The following KCP variants were observed in gnomAD, a reference collection of about 807,000 sequenced individuals.
KCP encodes the protein kielin cysteine rich BMP regulator.
KCP carries 194 observed loss-of-function variants against 212.7 expected under a neutral mutation model. That is an observed-to-expected ratio of 0.91 (90% CI 0.81 to 1.03). KCP has a LOEUF of 1.03. KCP is among the 50% of genes least tolerant of loss of function. The pLI is 0.00. For missense variants in KCP, 2,080 were observed against 2,162.5 expected, an observed-to-expected ratio of 0.96 and a Z score of 0.76; for synonymous variants, 833 against 865.3, an observed-to-expected ratio of 0.96 and a Z score of 0.65.
rs1236493824 is a variant in KCP, at chr7:128,879,723, C to T, written c.4039G>A (p.Val1347Ile). Residue 1347 changes from valine to isoleucine, a missense_variant, in exon 36 of 40, where the codon GTC (valine) becomes ATC (isoleucine). Val to Ile is a conservative substitution (Grantham distance 29). Coordinates refer to ENST00000610776, the MANE Select transcript of KCP (RefSeq NM_001366122.1). ...CACTCCTCGGCTTTGCTCACCGTGA[C>T]TGCCCCGTCCTGCAGCAGCCGCACG... The part of the protein sequence containing the change: ...MAVRLLQDGA[V>I]TVDGHPVALP... 3.2e-6 allele frequency: 5 copies of T among 1,550,198 alleles called. No homozygotes were observed. The highest frequency in any genetic ancestry group is 4.4e-6 in the Non-Finnish European group (5 of 1,146,974).
chr7:128,888,691 TACAA>T (rs777519770), intron 22 of KCP, among the ~76,000 whole-genome samples, 168 bp downstream of exon 22: 1 of 151,178 alleles, frequency 6.6e-6, no homozygotes, highest in Non-Finnish European at 1.5e-5. Flanking sequence ...CACACATACA[TACAA>T]ACACACAGCC....
At chr7:128,902,696 G>T in intron 8 of KCP, 81 bp downstream of exon 8, 1 of 1,287,688 alleles carries the variant, frequency 7.8e-7, no homozygotes, top group Non-Finnish European at 1.1e-6. Flanking sequence ...CCTCTGCGAA[G>T]TACTCCATAG....
chr7:128,908,128 CA>C (rs11323714), intron 2 of KCP, among the ~76,000 whole-genome samples: 27,530 of 75,762 alleles, frequency 0.36, 4,739 homozygotes, highest in East Asian at 0.6. Context: ...GACTCCATCT[CA>C]AAAAAAAAAA....
At chr7:128,890,870 G>T in intron 20 of KCP, 35 bp downstream of exon 20, 5 of 1,240,252 alleles carry the variant, frequency 4.0e-6, no homozygotes, top group South Asian at 3.7e-5. Context: ...GCGGCAGGAC[G>T]CGGGTGGCCG....
Position 128,880,056 on chromosome 7 carries a change from G to A in KCP, c.3789C>T (p.Ser1263=). ...PDKAPALSPG[S]CCPRCLPRPA... ...GCCGAGGCAGGCAGCGGGGGCAGCA[G>A]CTGCCAGGACTCAGGGCAGGGGCCT... Residue 1263 remains serine (S), a synonymous_variant, in exon 35 of 40, where the codon AGC becomes AGT. Transcript: ENST00000610776. 1.3e-6 allele frequency: 2 copies of A among 1,546,888 alleles called. No individual in the cohort carries two copies. The highest frequency in any genetic ancestry group is 8.7e-7 in the Non-Finnish European group (1 of 1,146,046).
chr7:128,890,273 A>C (rs770014281), intron 21 of KCP, 70 bp downstream of exon 21: 14 of 1,551,062 alleles, frequency 9.0e-6, no homozygotes, highest in South Asian at 4.8e-5. Context: ...AGGGCAGTAA[A>C]GATTATTCTG....
intron 4 of KCP, 97 bp downstream of exon 4, chr7:128,907,004 G>A (rs2128950742): frequency 1.7e-6 from 2 of 1,189,856 alleles, no homozygotes; most frequent in Non-Finnish European, 2.4e-6. Context: ...GGCAGGCAGA[G>A]CCCATTATGC....
At chr7:128,886,851 G>GC in intron 24 of KCP, 25 bp downstream of exon 24, 1 of 1,451,840 alleles carries the variant, frequency 6.9e-7, no homozygotes, top group Middle Eastern at 1.7e-4. Flanking sequence ...GGGCATGGGG[G>GC]CCGCGCATGA....
chr7:128,900,704 C>T (rs948987439), intron 8 of KCP, among the ~76,000 whole-genome samples: 3 of 152,210 alleles, frequency 2.0e-5, no homozygotes, highest in African/African-American at 4.8e-5. Flanking sequence ...GAATGGCCCT[C>T]GCCATGCCGA....
At chr7:128,902,504 G>A (rs996198078) in intron 8 of KCP, among the ~76,000 whole-genome samples, 5 of 152,096 alleles carry the variant, frequency 3.3e-5, no homozygotes, top group Non-Finnish European at 7.4e-5. Flanking sequence ...AGCTTTTGCC[G>A]CTCGCCATAT....
At chr7:128,880,934 T>C (rs1301259370) in intron 32 of KCP, 63 bp downstream of exon 32, 1 of 398,932 alleles carries the variant, frequency 2.5e-6, no homozygotes, top group African/African-American at 2.1e-5. Flanking sequence ...GGTGGAGTGT[T>C]GGACACTCCT....
Position 128,879,783 on chromosome 7 carries a change from T to C in KCP, c.3979A>G (p.Thr1327Ala), listed in dbSNP as rs1793207031. The C allele has an allele frequency of 6.4e-7, 1 of 1,550,654 alleles. No homozygotes were observed. The highest frequency in any genetic ancestry group is 2.0e-5 in the Admixed American group (1 of 50,980). ...CCCAGCAGCACCGCCACCTCCTGGG[T>C]CCAGGCCACACCGCTCCGGCCCCGG... ...DDRGRSGVAW[T>A]QEVAVLLGDM... The change falls in exon 36 of 40, where the codon ACC becomes GCC. Residue 1327 changes from threonine to alanine, a missense_variant. Physicochemically the swap from Thr to Ala is moderately conservative, Grantham distance 58 (BLOSUM62 0). Coordinates refer to ENST00000610776, the MANE Select transcript of KCP (RefSeq NM_001366122.1).
At chr7:128,881,752 G>A (rs1455278233) in intron 30 of KCP, 27 bp from the exon 31 acceptor site, 5 of 1,516,870 alleles carry the variant, frequency 3.3e-6, no homozygotes, top group Non-Finnish European at 4.5e-6. Context: ...AAGAGGTAGA[G>A]AATGGCAGAT....
In KCP at chr7:128,877,005, T is replaced by A. The variant is rs766076770; in HGVS notation, c.*38A>T. The A allele has an allele frequency of 6.5e-7, 1 of 1,534,098 alleles. No homozygotes were observed. The highest frequency in any genetic ancestry group is 8.8e-7 in the Non-Finnish European group (1 of 1,142,528). On this transcript the variant is annotated 3_prime_UTR_variant, in exon 40 of 40. Transcript: ENST00000610776. Reference sequence around the variant, plus strand: ...TGGGAACTGCTCGCCAAGGGGAGACTCCTGGCCTGATGAACCCTTATCAGG... The same window carrying A: ...TGGGAACTGCTCGCCAAGGGGAGACACCTGGCCTGATGAACCCTTATCAGG...
rs375063253 is a variant in KCP at position 128,879,938 on chromosome 7, T to C, written c.3907A>G (p.Lys1303Glu). 51 of 1,550,904 alleles carry C rather than the reference T, an allele frequency of 3.3e-5. No individual in the cohort carries two copies. Among genetic ancestry groups the C allele is most frequent in the African/African-American group, 4.1e-5 (3 of 73,024 alleles). Residue 1303 changes from lysine (K) to glutamate (E), a missense_variant, in exon 35 of 40, where the codon AAG becomes GAG. Coordinates refer to ENST00000610776, the MANE Select transcript of KCP (RefSeq NM_001366122.1). ...FQGSCSYVLAKDCHSGDFSVH... is the reference protein window; with the variant it reads ...FQGSCSYVLAEDCHSGDFSVH... The stretch of plus-strand genomic sequence containing the variant: ...CTGAAGTCCCCGCTGTGGCAGTCCT[T>C]GGCCAGCACATAGCTGCAACTGCCC...
chr7:128,877,511 G>A lies in KCP; in HGVS notation c.4591C>T (p.Pro1531Ser). 1.3e-6 allele frequency: 2 copies of A among 1,551,334 alleles called. No individual in the cohort carries two copies. The highest frequency in any genetic ancestry group is 2.0e-5 in the Admixed American group (1 of 51,006). ...CACAGCGTGGGGCCTCGCCAGGTAG[G>A]TGTCACTCCTGCCTGGCGACAGTGA... ...ASHCRQAGVT[P>S]TWRGPTLCVV... The change falls in exon 39 of 40, where the codon CCT (proline) becomes TCT (serine). Residue 1531 changes from proline (P) to serine (S), a missense_variant. Physicochemically the swap from Pro to Ser is moderately conservative, Grantham distance 74 (BLOSUM62 -1). Transcript: ENST00000610776.
Position 128,907,454 on chromosome 7 carries a change from C to T in KCP, c.220-1G>A. The stretch of plus-strand genomic sequence containing the variant: ...TCACCCTCGTCTGCAGGTCCTTATT[C>T]TGGAGGAAGGAGATGGAATAGCAGG... On this transcript the variant is annotated splice_acceptor_variant, in intron 2 of 39. Transcript: ENST00000610776. LOFTEE classifies it high-confidence loss of function. 2.7e-6 allele frequency: 4 copies of T among 1,477,340 alleles called. No individual in the cohort carries two copies. The highest frequency in any genetic ancestry group is 3.6e-6 in the Non-Finnish European group (4 of 1,104,626). 91.5% of individuals were successfully genotyped at this position (1,477,340 alleles called of 1,614,324 possible). A position where few individuals can be genotyped will look rare whatever the true frequency, so the allele number is the denominator to read the frequency against.
At chr7:128,905,384 AC>A (rs1375307930) in intron 5 of KCP, among the ~76,000 whole-genome samples, 1 of 151,304 alleles carries the variant, frequency 6.6e-6, no homozygotes, top group Non-Finnish European at 1.5e-5. Flanking sequence ...AGCCAGTAAC[AC>A]CCCCCTGCAT....
chr7:128,908,232 GAAGAAAGGAAGAAAGAAAGAAGAAAGA>G (rs1205030140), intron 2 of KCP, among the ~76,000 whole-genome samples, 167 bp downstream of exon 2: 1 of 104,316 alleles, frequency 9.6e-6, no homozygotes, highest in African/African-American at 4.8e-5. Context: ...GGGAAGGAAA[GAAGAAAGGAAGAAAGAAAGAAGAAAGA>G]AAGAAAGAAA....
Sources: gnomAD v4.1 joint callset for allele counts (sites outside exome capture counted in the v4.1 genomes callset) on GRCh38, gnomAD v4.1.1 for gene constraint, MANE v1.5 for transcripts, NCBI Gene and HGNC (gene_info 2026-07-23, HGNC 2026-07-21) for gene names.